Variants in SV2C observed in about 807,000 individuals in gnomAD.
The protein encoded by SV2C is solute carrier family 22 member B3.
In SV2C, 49 loss-of-function variants were observed where a neutral mutation model predicts 79.7. That is an observed-to-expected ratio of 0.61 (90% confidence interval 0.49 to 0.78). The LOEUF is 0.78. Ranked by LOEUF, SV2C falls within the 30% of genes least tolerant of loss-of-function variation. The pLI, the probability that SV2C is intolerant of heterozygous loss-of-function variation, is 0.00. For missense variants in SV2C, 833 were observed against 912.9 expected (o/e 0.91, Z 1.13); for synonymous variants, 334 against 333.2 (o/e 1.00, Z -0.03).
At chr5:75,852,736 G>T in the SV2C span, among the ~76,000 whole-genome samples, 1 of 149,986 alleles carries the variant, frequency 6.7e-6, no homozygotes, top group Non-Finnish European at 1.5e-5. Context: ...TGAAGCAGGA[G>T]AATGGCGTGA....
the SV2C span, among the ~76,000 whole-genome samples, chr5:75,849,054 C>G: frequency 6.6e-6 from 1 of 152,234 alleles, no homozygotes; most frequent in Non-Finnish European, 1.5e-5. Context: ...CCCCCACCAG[C>G]CCCTTCTATC....
intron 12 of SV2C, among the ~76,000 whole-genome samples, chr5:76,314,202 T>C (rs1404288632): frequency 1.3e-5 from 2 of 152,218 alleles, no homozygotes; most frequent in South Asian, 2.1e-4. Flanking sequence ...AGAATTAATT[T>C]GGCTATGGAT....
chr5:76,084,822 G>C (rs1409687582), intron 1 of SV2C, among the ~76,000 whole-genome samples: 1 of 151,910 alleles, frequency 6.6e-6, no homozygotes, highest in East Asian at 1.9e-4. Context: ...CGGCGGGGCA[G>C]AGGGGGGCGG....
the SV2C span, among the ~76,000 whole-genome samples, chr5:75,900,502 T>C: frequency 1.3e-5 from 2 of 152,314 alleles, no homozygotes; most frequent in South Asian, 4.2e-4. Flanking sequence ...TAACATTTTT[T>C]CCTTCATTTC....
intron 4 of SV2C, among the ~76,000 whole-genome samples, chr5:76,252,129 G>A (rs1018756838): frequency 1.3e-5 from 2 of 151,960 alleles, no homozygotes; most frequent in African/African-American, 4.8e-5. Context: ...TTTTTTTGTT[G>A]TTGTTTTTGA....
chr5:76,058,110 C>T, the SV2C span, among the ~76,000 whole-genome samples: 1 of 152,018 alleles, frequency 6.6e-6, no homozygotes, highest in South Asian at 2.1e-4. Context: ...CTACTTTGAG[C>T]TGTGTCTTAT....
the SV2C span, among the ~76,000 whole-genome samples, chr5:76,061,344 G>A: frequency 7.3e-6 from 1 of 136,162 alleles, no homozygotes; most frequent in East Asian, 2.4e-4. Context: ...AAGAAACAAA[G>A]TATGCTTGTA....
the SV2C span, among the ~76,000 whole-genome samples, chr5:75,964,669 G>T: frequency 6.6e-6 from 1 of 152,118 alleles, no homozygotes; most frequent in South Asian, 2.1e-4. Context: ...TTCTTTACCA[G>T]ATTCTACCAA....
At chr5:76,277,427 C>A (rs1159729631) in intron 4 of SV2C, among the ~76,000 whole-genome samples, 1 of 152,164 alleles carries the variant, frequency 6.6e-6, no homozygotes, top group Non-Finnish European at 1.5e-5. Context: ...AAAGAACAAA[C>A]CACAGGTATG....
the SV2C span, among the ~76,000 whole-genome samples, chr5:76,018,556 AT>A: frequency 3.9e-5 from 6 of 152,212 alleles, no homozygotes; most frequent in African/African-American, 1.4e-4. Context: ...AGATATTTGA[AT>A]TTTTAAACCC....
intron 12 of SV2C, among the ~76,000 whole-genome samples, chr5:76,310,977 G>C (rs546177681): frequency 6.6e-6 from 1 of 152,180 alleles, no homozygotes; most frequent in Admixed American, 6.6e-5. Flanking sequence ...TTCAAAAATG[G>C]TGTATGACAT....
intron 4 of SV2C, among the ~76,000 whole-genome samples, chr5:76,247,510 C>G (rs1039997617): frequency 6.6e-6 from 1 of 152,184 alleles, no homozygotes; most frequent in Non-Finnish European, 1.5e-5. Context: ...CTTATTTTCT[C>G]CTGCAACGTG....
the SV2C span, among the ~76,000 whole-genome samples, chr5:76,031,687 C>G: frequency 6.6e-6 from 1 of 152,080 alleles, no homozygotes; most frequent in Non-Finnish European, 1.5e-5. Flanking sequence ...TTATTATTAC[C>G]TAGGTCACAA....
the SV2C span, among the ~76,000 whole-genome samples, chr5:75,869,609 C>T: frequency 6.6e-6 from 1 of 152,308 alleles, no homozygotes; most frequent in East Asian, 1.9e-4. Flanking sequence ...GGACAAAGGC[C>T]TGGCTGGCTT....
intron 12 of SV2C, among the ~76,000 whole-genome samples, chr5:76,351,748 A>G (rs1328288140): frequency 6.6e-6 from 1 of 152,118 alleles, no homozygotes; most frequent in Non-Finnish European, 1.5e-5. Flanking sequence ...CAACAAAAGC[A>G]CCTTGCTGTA....
At chr5:76,207,558 G>C (rs1452342766) in intron 3 of SV2C, among the ~76,000 whole-genome samples, 4 of 152,154 alleles carry the variant, frequency 2.6e-5, no homozygotes, top group African/African-American at 4.8e-5. Flanking sequence ...ATACCAATAA[G>C]CATCACACAT....
At chr5:76,154,040 T>G (rs1742650361) in intron 2 of SV2C, among the ~76,000 whole-genome samples, 1 of 152,160 alleles carries the variant, frequency 6.6e-6, no homozygotes, top group Admixed American at 6.5e-5. Flanking sequence ...GACTACAAGG[T>G]AAAGAAAGCA....
the SV2C span, among the ~76,000 whole-genome samples, chr5:75,913,413 G>A: frequency 5.9e-5 from 9 of 152,174 alleles, no homozygotes; most frequent in African/African-American, 1.9e-4. Context: ...TGAGCCTCAG[G>A]GTCCCAGGCA....
In SV2C at chr5:76,332,880, T is replaced by C. The variant is rs1252249507; in HGVS notation, c.*7333T>C. On this transcript the variant is annotated 3_prime_UTR_variant, in exon 13 of 13. Coordinates refer to ENST00000502798, the MANE Select transcript of SV2C (RefSeq NM_014979.4). ...AGTATCATGGATTTATGGGTCAGCA[T>C]TGCCCCTAAGTCCAAGGAAGGGGAA... 1 of 152,206 alleles carries C rather than the reference T, an allele frequency of 6.6e-6. No individual in the cohort carries two copies. Among genetic ancestry groups the C allele is most frequent in the East Asian group, 1.9e-4 (1 of 5,206 alleles). 9.4% of individuals were successfully genotyped at this position (152,206 alleles called of 1,614,324 possible).
Sources: allele counts gnomAD v4.1 joint callset (sites outside exome capture counted in the v4.1 genomes callset), GRCh38; gene constraint gnomAD v4.1.1; transcripts MANE v1.5; gene names NCBI Gene and HGNC (gene_info 2026-07-23, HGNC 2026-07-21).